Variants in ASTN2 observed in about 807,000 individuals in gnomAD.
ASTN2 encodes astrotactin 2, also known as astrotactin-2.
In ASTN2, 54 loss-of-function variants were observed where a neutral mutation model predicts 139.8. The ratio of observed to expected loss-of-function variants is 0.39; its 90% CI spans 0.31 to 0.48. The LOEUF (loss-of-function observed/expected upper bound fraction) is 0.48. Among genes scored for constraint, ASTN2 ranks in the 20% least tolerant of loss-of-function variants. The probability of loss-of-function intolerance (pLI) is 0.95; values close to 1 mark genes in which losing one functional copy is unlikely to be tolerated. For synonymous variants in ASTN2, 756 were observed against 719.5 expected (o/e 1.05, Z -0.81); for missense variants, 1,565 against 1,725.1 (o/e 0.91, Z 1.64).
intron 2 of ASTN2, among the ~76,000 whole-genome samples, chr9:117,222,510 T>G (rs1309543466): frequency 6.6e-6 from 1 of 152,172 alleles, no homozygotes; most frequent in Admixed American, 6.5e-5. Context: ...GAAGGCCCAG[T>G]GGATCACCAG....
At chr9:117,323,264 T>C (rs1278156859) in intron 1 of ASTN2, among the ~76,000 whole-genome samples, 1 of 152,068 alleles carries the variant, frequency 6.6e-6, no homozygotes, top group East Asian at 1.9e-4. Flanking sequence ...CTGTGCACAG[T>C]CTGTCTGCCC....
intron 2 of ASTN2, among the ~76,000 whole-genome samples, chr9:117,260,939 C>T (rs1422549338): frequency 6.6e-6 from 1 of 152,126 alleles, no homozygotes; most frequent in African/African-American, 2.4e-5. Context: ...ACAAATACTC[C>T]ATAACTCTTT....
intron 10 of ASTN2, among the ~76,000 whole-genome samples, chr9:116,890,998 C>A (rs1322827015): frequency 6.6e-6 from 1 of 152,148 alleles, no homozygotes; most frequent in Non-Finnish European, 1.5e-5. Context: ...CAAGGCAATT[C>A]TAGTTCATCT....
chr9:116,637,200 T>A (rs1672847893), intron 17 of ASTN2, among the ~76,000 whole-genome samples: 1 of 152,190 alleles, frequency 6.6e-6, no homozygotes, highest in African/African-American at 2.4e-5. Flanking sequence ...CAGACCCATG[T>A]GATGACAAAC....
chr9:116,457,821 A>T (rs1044662759), intron 20 of ASTN2, among the ~76,000 whole-genome samples: 6 of 152,104 alleles, frequency 3.9e-5, no homozygotes, highest in African/African-American at 1.4e-4. Context: ...AGCTAGAACT[A>T]CCATATGATC....
intron 20 of ASTN2, among the ~76,000 whole-genome samples, chr9:116,464,063 T>C (rs1338962306): frequency 6.6e-6 from 1 of 152,054 alleles, no homozygotes; most frequent in Non-Finnish European, 1.5e-5. Flanking sequence ...TGTCTCTATA[T>C]AGCCAGAATC....
intron 11 of ASTN2, among the ~76,000 whole-genome samples, chr9:116,849,721 C>T (rs1028246482): frequency 5.9e-5 from 9 of 151,598 alleles, no homozygotes; most frequent in Admixed American, 3.3e-4. Flanking sequence ...CGGACTTTTC[C>T]ATGCTGCTAG....
chr9:116,672,252 G>A (rs1450503771), intron 16 of ASTN2, among the ~76,000 whole-genome samples: 2 of 151,990 alleles, frequency 1.3e-5, no homozygotes, highest in Non-Finnish European at 2.9e-5. Context: ...TGTAGTCCCA[G>A]CTACTTGGGG....
In ASTN2 at chr9:116,526,621, C is replaced by CAAAA. The variant is rs34222127; in HGVS notation, c.3356-39125_3356-39122dup. Among the ~76,000 whole-genome samples the CAAAA allele has an allele frequency of 1.4e-3, 188 of 137,324 alleles. 2 individuals carry two copies. Among genetic ancestry groups the CAAAA allele is most frequent in the African/African-American group, 4.8e-3 (180 of 37,804 alleles). The allele number at this position is 137,324 out of a possible 152,430, so 90.1% of individuals were successfully genotyped here. A position where few individuals can be genotyped will look rare whatever the true frequency, so the allele number is the denominator to read the frequency against. On this transcript the variant is annotated intron_variant, in intron 19 of 22. Transcript: ENST00000313400. ...TGGGCAAAAGAGAAAGAACTTGTCTCAAAAAAAAAAAAAAGTGACAAAAGA... is the reference window on the plus strand; with the variant it reads ...TGGGCAAAAGAGAAAGAACTTGTCTCAAAAAAAAAAAAAAAAAAGTGACAAAAGA...
At chr9:116,504,169 T>C (rs1850006910) in intron 19 of ASTN2, 1 of 152,238 alleles carries the variant, frequency 6.6e-6, no homozygotes, top group African/African-American at 2.4e-5. Flanking sequence ...TTTCTTAAGA[T>C]ACTTCCCTCC....
chr9:116,658,518 C>T (rs1564187831), intron 16 of ASTN2, among the ~76,000 whole-genome samples: 1 of 152,086 alleles, frequency 6.6e-6, no homozygotes, highest in Non-Finnish European at 1.5e-5. Flanking sequence ...GCCAGAGAAA[C>T]AGTAGGTAGG....
chr9:116,987,538 G>A (rs140053132), intron 7 of ASTN2, among the ~76,000 whole-genome samples: 7 of 152,214 alleles, frequency 4.6e-5, no homozygotes, highest in African/African-American at 1.7e-4. Context: ...GTTTCCTGAG[G>A]TCTGCCAGCC....
chr9:116,447,020 A>T (rs978028406), intron 20 of ASTN2, among the ~76,000 whole-genome samples: 4 of 152,138 alleles, frequency 2.6e-5, no homozygotes, highest in Admixed American at 6.5e-5. Flanking sequence ...GAACCCCCTC[A>T]TTTGAGCTCT....
intron 16 of ASTN2, among the ~76,000 whole-genome samples, chr9:116,672,003 G>A (rs1362220246): frequency 1.3e-5 from 2 of 152,144 alleles, no homozygotes; most frequent in Non-Finnish European, 2.9e-5. Context: ...GTTGTTTCGA[G>A]TGGCAAAATT....
intron 16 of ASTN2, among the ~76,000 whole-genome samples, chr9:116,696,471 G>T (rs1340313041): frequency 1.3e-5 from 2 of 151,988 alleles, no homozygotes; most frequent in East Asian, 1.9e-4. Context: ...GAAACTTCTT[G>T]TCCTTTCCTT....
At chr9:116,956,055 G>T (rs2132494283) in intron 10 of ASTN2, among the ~76,000 whole-genome samples, 1 of 151,662 alleles carries the variant, frequency 6.6e-6, no homozygotes, top group African/African-American at 2.4e-5. Context: ...TAGTACCACT[G>T]CAGACCAACT....
At chr9:116,563,463 A>C (rs1853029261) in intron 19 of ASTN2, among the ~76,000 whole-genome samples, 1 of 152,136 alleles carries the variant, frequency 6.6e-6, no homozygotes, top group Admixed American at 6.5e-5. Flanking sequence ...AATAGAGAGA[A>C]CCACATGAAC....
At chr9:116,427,162 T>C (rs764344976) in intron 22 of ASTN2, among the ~76,000 whole-genome samples, 111 of 152,168 alleles carry the variant, frequency 7.3e-4, no homozygotes, top group Non-Finnish European at 1.2e-3. Context: ...TATTTTTTTG[T>C]TGTGGGAACA....
intron 16 of ASTN2, among the ~76,000 whole-genome samples, chr9:116,689,848 A>G (rs140862380): frequency 1.7e-4 from 26 of 152,270 alleles, no homozygotes; most frequent in Non-Finnish European, 2.6e-4. Context: ...GCAACGGACT[A>G]TAGGGTGAGG....
Sources: gnomAD v4.1 joint callset for allele counts (sites outside exome capture counted in the v4.1 genomes callset) on GRCh38, gnomAD v4.1.1 for gene constraint, MANE v1.5 for transcripts, NCBI Gene and HGNC (gene_info 2026-07-23, HGNC 2026-07-21) for gene names.